Variants in HHLA2 observed in about 807,000 individuals in gnomAD.
HHLA2 encodes the protein HERV-H LTR-associating protein 2.
A neutral mutation model predicts 45.9 loss-of-function variants in HHLA2; 48 were observed. That is an observed-to-expected ratio of 1.05 (90% confidence interval 0.83 to 1.33). The LOEUF is 1.33. HHLA2 is among the 40% of genes most tolerant of loss of function. The pLI is 0.00. For missense variants in HHLA2, 462 were observed against 494.3 expected (o/e 0.93, Z 0.62); for synonymous variants, 161 against 173.9 (o/e 0.93, Z 0.59).
chr3:108,317,998 A>T (rs946757151), intron 2 of HHLA2, among the ~76,000 whole-genome samples: 1 of 151,958 alleles, frequency 6.6e-6, no homozygotes, highest in Non-Finnish European at 1.5e-5. Context: ...CCTCACCAAC[A>T]TGGAGAAACC....
chr3:108,351,665 C>A (rs1033476143), intron 3 of HHLA2, 123 bp from the exon 3 acceptor site: 2 of 578,188 alleles, frequency 3.5e-6, no homozygotes, highest in African/African-American at 1.9e-5. Context: ...TGCCATTGAA[C>A]CATCCTTTAC....
exon 5 of HHLA2, chr3:108,353,732 G>C: frequency 1.2e-6 from 2 of 1,613,304 alleles, no homozygotes; most frequent in Non-Finnish European, 1.7e-6. Context: ...CTGCTATGTA[G>C]GAACAGCAAT....
intron 1 of HHLA2, among the ~76,000 whole-genome samples, chr3:108,305,674 G>A (rs926535177): frequency 2.6e-5 from 4 of 152,194 alleles, no homozygotes; most frequent in Non-Finnish European, 4.4e-5. Flanking sequence ...TCTGGGTGGT[G>A]GCCAAGGAGG....
intron 8 of HHLA2, among the ~76,000 whole-genome samples, chr3:108,369,802 C>G (rs1177729617): frequency 6.6e-6 from 1 of 152,178 alleles, no homozygotes; most frequent in Non-Finnish European, 1.5e-5. Flanking sequence ...AGTAGGTAAA[C>G]AAAGCAGCCA....
intron 8 of HHLA2, among the ~76,000 whole-genome samples, chr3:108,373,613 AG>A (rs2082219660): frequency 6.6e-6 from 1 of 152,216 alleles, no homozygotes; most frequent in South Asian, 2.1e-4. Context: ...TTAAGCTGAT[AG>A]GCAACTTCAG....
chr3:108,345,261 T>C (rs1423427685), intron 3 of HHLA2, among the ~76,000 whole-genome samples: 1 of 151,642 alleles, frequency 6.6e-6, no homozygotes, highest in African/African-American at 2.4e-5. Context: ...GGGCAGGGAG[T>C]TGCAAAGCAA....
intron 1 of HHLA2, among the ~76,000 whole-genome samples, chr3:108,301,388 G>T (rs886212158): frequency 5.9e-5 from 9 of 152,130 alleles, no homozygotes; most frequent in Non-Finnish European, 2.9e-5. Flanking sequence ...GTATGTATAG[G>T]TTCTATTTTC....
At chr3:108,376,533 A>G in exon 10 of HHLA2, 1 of 1,612,724 alleles carries the variant, frequency 6.2e-7, no homozygotes, top group Non-Finnish European at 8.5e-7. Flanking sequence ...GTCCCAGTGC[A>G]CCCGATAATG....
intron 1 of HHLA2, among the ~76,000 whole-genome samples, chr3:108,302,019 A>G (rs1487443363): frequency 2.6e-5 from 4 of 152,170 alleles, no homozygotes; most frequent in Non-Finnish European, 5.9e-5. Context: ...GAGATATGCT[A>G]TAGTTTAGGA....
intron 2 of HHLA2, among the ~76,000 whole-genome samples, chr3:108,315,473 T>C (rs1012820484): frequency 6.6e-6 from 1 of 152,244 alleles, no homozygotes; most frequent in Non-Finnish European, 1.5e-5. Context: ...TGTTGCCTTC[T>C]GTATATTTTG....
chr3:108,338,934 A>G (rs951262867), intron 3 of HHLA2, among the ~76,000 whole-genome samples: 1 of 152,214 alleles, frequency 6.6e-6, no homozygotes, highest in African/African-American at 2.4e-5. Flanking sequence ...TACATATTCA[A>G]ATCAATGTTT....
At chr3:108,329,303 C>CCCCTAAAAAGGAAAAGAG (rs1261919152) in intron 3 of HHLA2, among the ~76,000 whole-genome samples, 2 of 152,068 alleles carry the variant, frequency 1.3e-5, no homozygotes, top group Non-Finnish European at 2.9e-5. Flanking sequence ...AGGAAAAGAG[C>CCCCTAAAAAGGAAAAGAG]CCCTAAAAAA....
intron 3 of HHLA2, among the ~76,000 whole-genome samples, chr3:108,335,895 TGTCAACCTTA>T (rs2081464521): frequency 6.6e-6 from 1 of 151,998 alleles, no homozygotes; most frequent in African/African-American, 2.4e-5. Context: ...GTGATCCATT[TGTCAACCTTA>T]GAGACCAGCC....
At chr3:108,305,067 A>G (rs1361956564) in intron 1 of HHLA2, among the ~76,000 whole-genome samples, 1 of 152,178 alleles carries the variant, frequency 6.6e-6, no homozygotes, top group Non-Finnish European at 1.5e-5. Context: ...CCTTTTACTC[A>G]TCAATGAGGA....
intron 8 of HHLA2, among the ~76,000 whole-genome samples, chr3:108,369,600 G>T (rs1001422348): frequency 7.2e-5 from 11 of 152,096 alleles, no homozygotes; most frequent in Non-Finnish European, 1.6e-4. Context: ...TGGAAAATTG[G>T]GTCACTCCCA....
chr3:108,371,085 G>A lies in HHLA2; in HGVS notation c.1109-4665G>A, dbSNP rs986557896. 6.6e-5 allele frequency among the ~76,000 whole-genome samples: 10 copies of A among 152,238 alleles called. 1 individual carries two copies. Among genetic ancestry groups the A allele is most frequent in the African/African-American group, 1.7e-4 (7 of 41,534 alleles). ...TTAAGGGCAGCCAGAGAGAAAAGTC[G>A]GGTTACCCACAAAGGGAAGCCCATC... On this transcript the variant is annotated intron_variant, in intron 8 of 10. Coordinates refer to ENST00000619531, the Ensembl canonical transcript of HHLA2.
Position 108,358,002 on chromosome 3 carries a change from A to G in HHLA2, c.844A>G (p.Ile282Val), listed in dbSNP as rs113861404. The change falls in exon 7 of 11, where the codon ATT becomes GTT. Residue 282 changes from isoleucine (I) to valine (V), a missense_variant. Transcript: ENST00000619531. ...CTATCTGAGCTCCTCACAAAATACA[A>G]TTATCAATGAATCCCGATTCTCATG... 541 of 1,613,814 alleles carry G rather than the reference A, an allele frequency of 3.4e-4. 2 individuals are homozygous for G. The African/African-American group carries it at 6.0e-3, about 18-fold the overall frequency.
At chr3:108,350,073 T>C (rs980162960) in intron 3 of HHLA2, among the ~76,000 whole-genome samples, 29 of 152,212 alleles carry the variant, frequency 1.9e-4, no homozygotes, top group Non-Finnish European at 1.6e-4. Flanking sequence ...CATATTTTCA[T>C]AGTAGAAAAA....
intron 8 of HHLA2, among the ~76,000 whole-genome samples, chr3:108,369,281 A>G (rs960843156): frequency 1.3e-5 from 2 of 152,302 alleles, no homozygotes; most frequent in South Asian, 4.1e-4. Flanking sequence ...GGAAAGACCT[A>G]AAATCAACAC....
Sources: gnomAD v4.1 joint callset for allele counts (sites outside exome capture counted in the v4.1 genomes callset) on GRCh38, gnomAD v4.1.1 for gene constraint, MANE v1.5 for transcripts, NCBI Gene and HGNC (gene_info 2026-07-23, HGNC 2026-07-21) for gene names.